The following MAF variants were observed in gnomAD, a reference collection of about 807,000 sequenced individuals.
MAF encodes transcription factor Maf.
MAF carries 10 observed loss-of-function variants against 22.0 expected under a neutral mutation model. The observed-to-expected ratio is 0.45, with a 90% CI of 0.28 to 0.77. The LOEUF is 0.77. MAF is among the 30% of genes least tolerant of loss of function. The pLI, the probability that MAF is intolerant of heterozygous loss-of-function variation, is 0.12. For missense variants in MAF, 544 were observed against 548.4 expected, an observed-to-expected ratio of 0.99 and a Z score of 0.08; for synonymous variants, 337 against 255.8, an observed-to-expected ratio of 1.32 and a Z score of -3.03.
At chr16:79,358,431 T>C in the MAF span, among the ~76,000 whole-genome samples, 1 of 152,134 alleles carries the variant, frequency 6.6e-6, no homozygotes, top group East Asian at 1.9e-4. Context: ...TTTTTAATTT[T>C]GATGACGTTC....
chr16:79,238,352 T>C, the MAF span, among the ~76,000 whole-genome samples: 1 of 152,132 alleles, frequency 6.6e-6, no homozygotes, highest in Admixed American at 6.6e-5. Flanking sequence ...TGTCCTTCAT[T>C]TACAGATTCC....
chr16:79,425,679 G>C, the MAF span, among the ~76,000 whole-genome samples: 6 of 81,782 alleles, frequency 7.3e-5, no homozygotes, highest in African/African-American at 2.4e-4. Flanking sequence ...TTTTTTTTTT[G>C]AGACGGAGTC....
chr16:79,264,061 G>A, the MAF span, among the ~76,000 whole-genome samples: 1 of 152,196 alleles, frequency 6.6e-6, no homozygotes, highest in African/African-American at 2.4e-5. Flanking sequence ...AAATGGAGAA[G>A]ACTCCAGGGG....
chr16:79,233,902 G>C, the MAF span, among the ~76,000 whole-genome samples: 4 of 150,802 alleles, frequency 2.7e-5, no homozygotes, highest in Non-Finnish European at 5.9e-5. Flanking sequence ...TGAGGCAGAA[G>C]AATCCCTTGA....
At chr16:79,457,108 A>C in the MAF span, among the ~76,000 whole-genome samples, 4 of 152,140 alleles carry the variant, frequency 2.6e-5, no homozygotes, top group African/African-American at 9.7e-5. Flanking sequence ...ACAAGTGTTG[A>C]TTTGTCTTCC....
the MAF span, among the ~76,000 whole-genome samples, chr16:79,217,571 A>G: frequency 1.3e-5 from 2 of 152,160 alleles, no homozygotes; most frequent in Admixed American, 6.5e-5. Flanking sequence ...GTTGGTCTGC[A>G]CCTTCTCATG....
chr16:79,593,183 T>C (rs991663462), downstream of MAF, among the ~76,000 whole-genome samples: 1 of 152,192 alleles, frequency 6.6e-6, no homozygotes, highest in Non-Finnish European at 1.5e-5. Flanking sequence ...GAGGAGTGTA[T>C]TTCGTAAAGC....
At chr16:79,282,234 T>C in the MAF span, among the ~76,000 whole-genome samples, 1 of 152,210 alleles carries the variant, frequency 6.6e-6, no homozygotes, top group Non-Finnish European at 1.5e-5. Flanking sequence ...GGTTTCAAAG[T>C]GGAATGGAGA....
the MAF span, among the ~76,000 whole-genome samples, chr16:79,270,516 T>C: frequency 6.6e-6 from 1 of 152,202 alleles, no homozygotes; most frequent in South Asian, 2.1e-4. Flanking sequence ...CCATCATCTC[T>C]CTGCTCCTCT....
At chr16:79,574,643 A>G in the MAF span, among the ~76,000 whole-genome samples, 3 of 152,080 alleles carry the variant, frequency 2.0e-5, no homozygotes, top group Non-Finnish European at 4.4e-5. Flanking sequence ...CAGCAGGGCA[A>G]TCGGGGGAAT....
the MAF span, among the ~76,000 whole-genome samples, chr16:79,417,047 C>T: frequency 6.6e-6 from 1 of 152,184 alleles, no homozygotes; most frequent in African/African-American, 2.4e-5. Context: ...CCAAGACATG[C>T]TATGAGCCGA....
chr16:79,539,491 G>A, the MAF span, among the ~76,000 whole-genome samples: 7 of 152,244 alleles, frequency 4.6e-5, no homozygotes, highest in African/African-American at 7.2e-5. Flanking sequence ...GTGACAGAGC[G>A]AGACTCCACC....
chr16:79,521,093 G>A, the MAF span, among the ~76,000 whole-genome samples: 2 of 152,208 alleles, frequency 1.3e-5, no homozygotes, highest in South Asian at 2.1e-4. Flanking sequence ...AAATAATGAA[G>A]TAAAGCAAGA....
chr16:79,587,855 C>T (rs1435288674), intron 1 of MAF, among the ~76,000 whole-genome samples: 1 of 119,898 alleles, frequency 8.3e-6, no homozygotes, highest in Non-Finnish European at 1.7e-5. Context: ...GTTATCAAAG[C>T]ATTTACTTTC....
the MAF span, among the ~76,000 whole-genome samples, chr16:79,253,078 G>C: frequency 1.3e-5 from 2 of 152,274 alleles, no homozygotes; most frequent in South Asian, 4.2e-4. Context: ...GCACATGGTG[G>C]TCACCCTCAC....
At chr16:79,547,920 T>TGG in the MAF span, among the ~76,000 whole-genome samples, 1 of 120,982 alleles carries the variant, frequency 8.3e-6, no homozygotes, top group East Asian at 2.4e-4. Context: ...GAGAGAGAGA[T>TGG]AGAGAGAGAG....
the MAF span, among the ~76,000 whole-genome samples, chr16:79,479,251 C>T: frequency 1.3e-5 from 2 of 152,216 alleles, no homozygotes; most frequent in Non-Finnish European, 2.9e-5. Context: ...CTGTGTCATA[C>T]CTTTGTACCA....
the MAF span, chr16:79,206,221 G>C: frequency 5.2e-4 from 80 of 152,394 alleles, no homozygotes; most frequent in African/African-American, 1.9e-3. Context: ...CTCATGGCCA[G>C]ACATGGCCTG....
the MAF span, among the ~76,000 whole-genome samples, chr16:79,511,430 G>A: frequency 6.6e-6 from 1 of 152,104 alleles, no homozygotes. Context: ...AACAAATTCA[G>A]GTCTTTATTT....
Sources: allele counts gnomAD v4.1 joint callset (sites outside exome capture counted in the v4.1 genomes callset), GRCh38; gene constraint gnomAD v4.1.1; transcripts MANE v1.5; gene names NCBI Gene and HGNC (gene_info 2026-07-23, HGNC 2026-07-21).